UPP2: variants seen among roughly 807,000 people sequenced by gnomAD.
UPP2 encodes the protein UPase 2.
In UPP2, 23 loss-of-function variants were observed where a neutral mutation model predicts 26.7. The ratio of observed to expected loss-of-function variants is 0.86; its 90% confidence interval spans 0.62 to 1.22. UPP2 has a LOEUF of 1.22. Ranked by LOEUF, UPP2 falls within the 50% of genes most tolerant of loss-of-function variation. The probability of loss-of-function intolerance (pLI) is 0.00; values close to 1 mark genes in which losing one functional copy is unlikely to be tolerated. For missense variants in UPP2, 387 were observed against 396.7 expected, an observed-to-expected ratio of 0.98 and a Z score of 0.21; for synonymous variants, 127 against 141.3, an observed-to-expected ratio of 0.90 and a Z score of 0.72.
Position 158,134,900 on chromosome 2 carries a change from C to G in UPP2, c.*10C>G. ...TGGACTTTGTGACTAGACGTCCTAA[C>G]TGGGCAGCCCAACCCTCCCCTGCAA... On this transcript the variant is annotated 3_prime_UTR_variant, in exon 7 of 7. Transcript: ENST00000005756. The G allele has an allele frequency of 6.2e-7, 1 of 1,608,828 alleles. No individual in the cohort carries two copies. The highest frequency in any genetic ancestry group is 8.5e-7 in the Non-Finnish European group (1 of 1,177,490).
intron 3 of UPP2, among the ~76,000 whole-genome samples, chr2:158,090,924 T>C (rs1237479992): frequency 6.6e-6 from 1 of 152,158 alleles, no homozygotes; most frequent in Admixed American, 6.5e-5. Flanking sequence ...AACCTGAAAC[T>C]TCTACATTAA....
At chr2:158,039,553 T>C (rs1684055526) in intron 3 of UPP2, among the ~76,000 whole-genome samples, 1 of 152,196 alleles carries the variant, frequency 6.6e-6, no homozygotes, top group Non-Finnish European at 1.5e-5. Flanking sequence ...AGCTCCCTGT[T>C]GAATATAATT....
chr2:158,051,177 GTGTGTGTGTGTGTGTGTGTGTA>G lies in UPP2; in HGVS notation c.147+35299_147+35320del, dbSNP rs1226046060. On this transcript the variant is annotated intron_variant, in intron 3 of 9. Coordinates refer to the UPP2 transcript ENST00000605860. ...GGAATATGTGTGTGTGTGTGTGTGT[GTGTGTGTGTGTGTGTGTGTGTA>G]TGTGTGTATAATATCTTTCATTTCA... Among the ~76,000 whole-genome samples the G allele has an allele frequency of 7.2e-4, 108 of 150,674 alleles. 1 individual carries two copies. Among genetic ancestry groups the G allele is most frequent in the Non-Finnish European group, 1.5e-4 (10 of 67,746 alleles).
At chr2:158,084,211 G>T (rs1682777718) in intron 3 of UPP2, among the ~76,000 whole-genome samples, 1 of 152,012 alleles carries the variant, frequency 6.6e-6, no homozygotes, top group Non-Finnish European at 1.5e-5. Context: ...TCTTGCAGGA[G>T]TAAGCTCATA....
At chr2:158,068,796 ATATATATTTTTTTTTTTTTTTTTTTTTTT>A in intron 3 of UPP2, among the ~76,000 whole-genome samples, 1 of 16,462 alleles carries the variant, frequency 6.1e-5, no homozygotes, top group East Asian at 1.2e-3. Context: ...ATATATATAT[ATATATATTTTTTTTTTTTTTTTTTTTTTT>A]TTTTTTTTTT....
At chr2:158,038,921 C>T (rs1286954575) in intron 3 of UPP2, among the ~76,000 whole-genome samples, 1 of 152,170 alleles carries the variant, frequency 6.6e-6, no homozygotes, top group Non-Finnish European at 1.5e-5. Context: ...CCATAATTTT[C>T]CCCATGAGGG....
At chr2:158,123,941 A>C in intron 6 of UPP2, 46 bp downstream of exon 6, 1 of 1,595,372 alleles carries the variant, frequency 6.3e-7, no homozygotes, top group Non-Finnish European at 8.5e-7. Flanking sequence ...CTCTTTCATG[A>C]AGCTACTTTT....
Position 157,998,320 on chromosome 2 carries a change from C to T in UPP2, c.61+3061C>T, listed in dbSNP as rs76094549. Among the ~76,000 whole-genome samples, 901 of 152,092 alleles carry T rather than the reference C, an allele frequency of 5.9e-3. 5 individuals carry two copies. Among genetic ancestry groups the T allele is most frequent in the South Asian group, 0.024 (115 of 4,796 alleles). On this transcript the variant is annotated intron_variant, in intron 2 of 9. Coordinates refer to the UPP2 transcript ENST00000605860. ...CCACCTAATGCTCCACCAGAAACCT[C>T]GAAGACTTTCCCTTCACTAAGATAT...
intron 3 of UPP2, among the ~76,000 whole-genome samples, chr2:158,043,619 A>G (rs928952055): frequency 6.6e-6 from 1 of 152,216 alleles, no homozygotes; most frequent in Non-Finnish European, 1.5e-5. Context: ...ATGGTGATTC[A>G]ATGGGAGAGG....
chr2:158,055,281 C>A (rs1307430295), intron 3 of UPP2, among the ~76,000 whole-genome samples: 1 of 152,082 alleles, frequency 6.6e-6, no homozygotes, highest in Admixed American at 6.5e-5. Context: ...CACCAGTTTC[C>A]CTCTCAGGAT....
At chr2:158,015,793 A>G (rs1683648714) in intron 2 of UPP2, 1 of 453,494 alleles carries the variant, frequency 2.2e-6, no homozygotes, top group Non-Finnish European at 4.4e-6. Context: ...CTGCTCCACC[A>G]TGGTAAGATG....
chr2:158,012,854 T>C (rs946994216), intron 2 of UPP2, among the ~76,000 whole-genome samples: 2 of 152,212 alleles, frequency 1.3e-5, no homozygotes, highest in Non-Finnish European at 2.9e-5. Flanking sequence ...AAAGACACTT[T>C]AATAATCTTT....
intron 2 of UPP2, among the ~76,000 whole-genome samples, chr2:158,114,502 T>A (rs1683382865): frequency 6.6e-6 from 1 of 152,144 alleles, no homozygotes; most frequent in Admixed American, 6.5e-5. Context: ...CAAAAATAAA[T>A]CACTGGAATT....
intron 3 of UPP2, among the ~76,000 whole-genome samples, chr2:158,056,101 G>C (rs905257077): frequency 5.3e-5 from 8 of 152,116 alleles, no homozygotes; most frequent in Admixed American, 5.2e-4. Flanking sequence ...GAATGCATTT[G>C]ATATAAACTA....
chr2:158,022,688 T>C (rs899742856), intron 3 of UPP2, among the ~76,000 whole-genome samples: 2 of 152,016 alleles, frequency 1.3e-5, no homozygotes, highest in Admixed American at 6.6e-5. Context: ...TGCTCCAGAG[T>C]CAAGACAGTC....
chr2:158,117,771 TG>T, intron 3 of UPP2, 52 bp from the exon 4 acceptor site: 1 of 1,318,296 alleles, frequency 7.6e-7, no homozygotes, highest in Non-Finnish European at 1.1e-6. Context: ...AATTATGTCC[TG>T]TTCATGTATC....
At chr2:158,122,603 G>A (rs915724820) in intron 5 of UPP2, among the ~76,000 whole-genome samples, 1 of 152,078 alleles carries the variant, frequency 6.6e-6, no homozygotes, top group Non-Finnish European at 1.5e-5. Context: ...CCTTTGGCCT[G>A]CACAGTATTT....
At chr2:158,120,491 G>A (rs1226759010) in intron 4 of UPP2, among the ~76,000 whole-genome samples, 4 of 152,038 alleles carry the variant, frequency 2.6e-5, no homozygotes, top group African/African-American at 9.7e-5. Flanking sequence ...TAGACCAGGA[G>A]AGAGCAGTGA....
chr2:158,082,348 C>T (rs1682740700), intron 3 of UPP2, among the ~76,000 whole-genome samples: 1 of 152,130 alleles, frequency 6.6e-6, no homozygotes, highest in African/African-American at 2.4e-5. Flanking sequence ...CCTTTTATCG[C>T]TTACCACCTC....
Sources: gnomAD v4.1 joint callset for allele counts (sites outside exome capture counted in the v4.1 genomes callset) on GRCh38, gnomAD v4.1.1 for gene constraint, MANE v1.5 for transcripts, NCBI Gene and HGNC (gene_info 2026-07-23, HGNC 2026-07-21) for gene names.